ZNF790: variants seen among roughly 807,000 people sequenced by gnomAD.
ZNF790 encodes zinc finger protein 790.
In ZNF790, 8 loss-of-function variants were observed where a neutral mutation model predicts 12.1. The ratio of observed to expected loss-of-function variants is 0.66; its 90% confidence interval spans 0.39 to 1.19. The LOEUF (loss-of-function observed/expected upper bound fraction) is 1.19, where lower values mean the gene tolerates loss of function less well. ZNF790 is among the 50% of genes most tolerant of loss of function. ZNF790 has a pLI of 0.01. For missense variants in ZNF790, 707 were observed against 752.2 expected, an observed-to-expected ratio of 0.94 and a Z score of 0.70; for synonymous variants, 252 against 244.3, an observed-to-expected ratio of 1.03 and a Z score of -0.29.
intron 1 of ZNF790, among the ~76,000 whole-genome samples, chr19:36,849,807 C>T (rs1273027442): frequency 6.6e-6 from 1 of 151,828 alleles, no homozygotes; most frequent in Non-Finnish European, 1.5e-5. Context: ...TTGCCCCCCC[C>T]ACCTCCACAC....
upstream of ZNF790, among the ~76,000 whole-genome samples, chr19:36,839,835 G>A (rs1175423800): frequency 1.3e-5 from 2 of 152,092 alleles, no homozygotes; most frequent in East Asian, 3.9e-4. Context: ...GGCTGAGGAG[G>A]GTGGATCACC....
intron 1 of ZNF790, among the ~76,000 whole-genome samples, chr19:36,844,225 C>T (rs1231261182): frequency 2.6e-5 from 4 of 151,030 alleles, no homozygotes; most frequent in South Asian, 4.2e-4. Context: ...GTGGGAGGAT[C>T]GTTTGAGCCC....
upstream of ZNF790, among the ~76,000 whole-genome samples, chr19:36,838,656 G>A (rs1431711735): frequency 6.6e-6 from 1 of 152,166 alleles, no homozygotes; most frequent in Non-Finnish European, 1.5e-5. This position sits in a 1 kb window ranked among gnomAD's most constrained non-coding sequence, Gnocchi z 4.4. Context: ...AAGGCTCCCA[G>A]CCCTGGGAAC....
chr19:36,825,801 C>T, intron 1 of ZNF790, 109 bp from the exon 2 acceptor site: 1 of 666,738 alleles, frequency 1.5e-6, no homozygotes, highest in South Asian at 1.8e-5. Flanking sequence ...CTGAAGAAAT[C>T]CTGGCCCTAT....
chr19:36,848,589 G>C (rs1184034341), intron 1 of ZNF790, among the ~76,000 whole-genome samples: 1 of 152,170 alleles, frequency 6.6e-6, no homozygotes, highest in Non-Finnish European at 1.5e-5. Flanking sequence ...ATTAGGTATA[G>C]ATCGCTTGCC....
chr19:36,827,067 G>GT, intron 1 of ZNF790, among the ~76,000 whole-genome samples: 1 of 146,584 alleles, frequency 6.8e-6, no homozygotes, highest in East Asian at 2.0e-4. Context: ...ATATATGTGT[G>GT]TTGTGTGTGT....
At chr19:36,834,835 T>G (rs2072011545) in intron 1 of ZNF790, among the ~76,000 whole-genome samples, 1 of 152,142 alleles carries the variant, frequency 6.6e-6, no homozygotes, top group Non-Finnish European at 1.5e-5. Flanking sequence ...TAGGAAGAAA[T>G]ACAGCATATT....
chr19:36,839,841 T>C (rs2146089151), upstream of ZNF790, among the ~76,000 whole-genome samples: 1 of 152,030 alleles, frequency 6.6e-6, no homozygotes, highest in Admixed American at 6.6e-5. Context: ...GGAGGGTGGA[T>C]CACCTGAGGT....
upstream of ZNF790, among the ~76,000 whole-genome samples, chr19:36,843,048 C>G (rs1343828055): frequency 2.0e-5 from 3 of 151,200 alleles, no homozygotes; most frequent in African/African-American, 7.3e-5. Flanking sequence ...TTGGGACAAC[C>G]AGGAATAGCG....
At chr19:36,823,260 T>C in intron 4 of ZNF790, 25 bp downstream of exon 4, 1 of 1,596,092 alleles carries the variant, frequency 6.3e-7, no homozygotes, top group Non-Finnish European at 8.6e-7. Context: ...AATGGCCTCC[T>C]TGTGCGTGTT....
chr19:36,827,175 T>C (rs1334327452), intron 1 of ZNF790, among the ~76,000 whole-genome samples: 11 of 124,928 alleles, frequency 8.8e-5, no homozygotes, highest in South Asian at 2.6e-4. Context: ...TATATATATA[T>C]ATACACTTAC....
chr19:36,835,762 A>G (rs2072032908), intron 1 of ZNF790, among the ~76,000 whole-genome samples: 1 of 151,118 alleles, frequency 6.6e-6, no homozygotes, highest in Admixed American at 6.7e-5. Context: ...CAGCTTCTAG[A>G]GGCCACCAAC....
intron 1 of ZNF790, among the ~76,000 whole-genome samples, chr19:36,836,650 G>A (rs1481954095): frequency 2.7e-5 from 4 of 150,336 alleles, no homozygotes; most frequent in Non-Finnish European, 5.9e-5. Context: ...CCAGCTACTC[G>A]GGAGGCTGAG....
chr19:36,824,790 C>A (rs909856576), intron 2 of ZNF790, among the ~76,000 whole-genome samples: 2 of 151,688 alleles, frequency 1.3e-5, no homozygotes, highest in Non-Finnish European at 1.5e-5. Context: ...TGTAAGCAGT[C>A]TTTACTGGGC....
At chr19:36,829,844 G>A (rs1470982170) in intron 1 of ZNF790, among the ~76,000 whole-genome samples, 1 of 152,190 alleles carries the variant, frequency 6.6e-6, no homozygotes, top group Non-Finnish European at 1.5e-5. Flanking sequence ...TGGGATTACA[G>A]GCCTGAGCTA....
chr19:36,841,518 G>T (rs2072129065), upstream of ZNF790, among the ~76,000 whole-genome samples: 1 of 151,814 alleles, frequency 6.6e-6, no homozygotes, highest in African/African-American at 2.4e-5. Context: ...TACTCAGGAG[G>T]CTGAGACATG....
chr19:36,828,087 A>C (rs895192868), intron 1 of ZNF790: 1 of 152,214 alleles, frequency 6.6e-6, no homozygotes, highest in Non-Finnish European at 1.5e-5. Context: ...ATTGTGAACT[A>C]AAATATATTT....
intron 1 of ZNF790, among the ~76,000 whole-genome samples, chr19:36,831,028 A>G (rs1003514760): frequency 2.6e-5 from 4 of 152,270 alleles, no homozygotes; most frequent in Admixed American, 2.6e-4. Context: ...AGTGCCAGCT[A>G]CTTGGGAGGC....
In ZNF790 at chr19:36,819,191, G is replaced by A. The variant is rs762060713; in HGVS notation, c.1153C>T (p.Gln385Ter). The A allele has an allele frequency of 6.2e-7, 1 of 1,613,924 alleles. No individual in the cohort carries two copies. The highest frequency in any genetic ancestry group is 1.7e-5 in the Admixed American group (1 of 60,000). ...FIRGSNLAQH[Q>*]NVHVGRKPYK... ...GGTTTCCTACCAACATGAACATTCT[G>A]ATGTTGAGCAAGATTTGAACCACGA... The change falls in exon 5 of 5, where the codon CAG (glutamine) becomes TAG (stop). Residue 385 changes from glutamine (Q) to a stop codon, truncating the protein, a stop_gained. Transcript: ENST00000356725. LOFTEE classifies it low-confidence loss of function (END_TRUNC).
Sources: gnomAD v4.1 joint callset for allele counts (sites outside exome capture counted in the v4.1 genomes callset) on GRCh38, gnomAD v4.1.1 for gene constraint, Gnocchi (gnomAD v3.1) non-coding constraint, MANE v1.5 for transcripts, NCBI Gene and HGNC (gene_info 2026-07-23, HGNC 2026-07-21) for gene names.